ADAMTS20: variants seen among roughly 807,000 people sequenced by gnomAD.
ADAMTS20 encodes A disintegrin and metalloproteinase with thrombospondin motifs 20.
In ADAMTS20, 225 loss-of-function variants were observed where a neutral mutation model predicts 260.1. That is an observed-to-expected ratio of 0.87 (90% CI 0.78 to 0.97). ADAMTS20 has a LOEUF of 0.97. Among genes scored for constraint, ADAMTS20 ranks in the 50% least tolerant of loss-of-function variants. The pLI is 0.00. For synonymous variants in ADAMTS20, 802 were observed against 769.5 expected, an observed-to-expected ratio of 1.04 and a Z score of -0.70; for missense variants, 2,400 against 2,337.7, an observed-to-expected ratio of 1.03 and a Z score of -0.55.
intron 24 of ADAMTS20, 55 bp from the exon 25 acceptor site, chr12:43,428,854 T>C: frequency 1.4e-6 from 2 of 1,452,390 alleles, no homozygotes; most frequent in Non-Finnish European, 1.8e-6. Flanking sequence ...CTCACCCATG[T>C]CCCTTTTACA....
Position 43,480,325 on chromosome 12 carries a change from G to A in ADAMTS20, c.1117+10070C>T, listed in dbSNP as rs746463752. Among the ~76,000 whole-genome samples, 16 of 152,252 alleles carry A rather than the reference G, an allele frequency of 1.1e-4. No individual in the cohort carries two copies. The South Asian group carries it at 1.5e-3, about 14-fold the overall frequency. On this transcript the variant is annotated intron_variant, in intron 7 of 38. Transcript: ENST00000389420. The stretch of plus-strand genomic sequence containing the variant: ...AGTAGAATCTAGCAGTGTGTGGGGG[G>A]TAAAGAAGGAAGAGTCTTGTTCAAG...
At chr12:43,520,020 T>C (rs1409595690) in intron 3 of ADAMTS20, among the ~76,000 whole-genome samples, 2 of 152,170 alleles carry the variant, frequency 1.3e-5, no homozygotes, top group African/African-American at 4.8e-5. Flanking sequence ...TTTTGCACTA[T>C]TTCTAGTTCT....
chr12:43,355,323 A>G (rs560894713), intron 38 of ADAMTS20, among the ~76,000 whole-genome samples: 1 of 152,318 alleles, frequency 6.6e-6, no homozygotes, highest in South Asian at 2.1e-4. Flanking sequence ...ATATGTTTGC[A>G]TTTCTGTAAG....
chr12:43,424,352 C>T (rs1941290748), intron 28 of ADAMTS20, among the ~76,000 whole-genome samples: 1 of 152,014 alleles, frequency 6.6e-6, no homozygotes, highest in South Asian at 2.1e-4. Context: ...TGAGTTTTGT[C>T]TATGGCTCCA....
At chr12:43,365,986 A>C (rs1357333474) in intron 37 of ADAMTS20, among the ~76,000 whole-genome samples, 1 of 151,942 alleles carries the variant, frequency 6.6e-6, no homozygotes, top group Non-Finnish European at 1.5e-5. Flanking sequence ...GAACAAAGAC[A>C]ACATGAAACA....
chr12:43,501,477 G>GCACACACA (rs1299065787), intron 4 of ADAMTS20, among the ~76,000 whole-genome samples: 1,062 of 62,212 alleles, frequency 0.017, 20 homozygotes, highest in African/African-American at 0.047. Context: ...GCGCGCGCGC[G>GCACACACA]CGCGCACACA....
At chr12:43,461,824 G>A (rs1592081560) in intron 11 of ADAMTS20, among the ~76,000 whole-genome samples, 1 of 151,860 alleles carries the variant, frequency 6.6e-6, no homozygotes, top group East Asian at 1.9e-4. Context: ...CCACCAAACA[G>A]AAACATTATA....
chr12:43,457,861 A>G (rs1941993421), intron 11 of ADAMTS20, among the ~76,000 whole-genome samples: 1 of 152,232 alleles, frequency 6.6e-6, no homozygotes, highest in Non-Finnish European at 1.5e-5. Flanking sequence ...TCTCTTTTTA[A>G]ACTAAGTCAA....
At chr12:43,517,083 C>A (rs554628884) in intron 3 of ADAMTS20, among the ~76,000 whole-genome samples, 168 of 151,922 alleles carry the variant, frequency 1.1e-3, no homozygotes, top group African/African-American at 3.9e-3. Context: ...ATAAAGGGTA[C>A]CTAAGAAAAA....
intron 6 of ADAMTS20, 91 bp downstream of exon 6, chr12:43,492,414 C>CA (rs1204483236): frequency 1.8e-5 from 25 of 1,414,784 alleles, no homozygotes; most frequent in Non-Finnish European, 2.1e-5. Context: ...AAAACAAAAA[C>CA]AAAACAAAAA....
chr12:43,496,354 A>T (rs1033123351), intron 4 of ADAMTS20, among the ~76,000 whole-genome samples: 1 of 152,220 alleles, frequency 6.6e-6, no homozygotes, highest in Non-Finnish European at 1.5e-5. Context: ...TAGCAAACAG[A>T]ACCCAATTTT....
At chr12:43,409,005 C>T (rs1940972723) in intron 28 of ADAMTS20, among the ~76,000 whole-genome samples, 1 of 152,092 alleles carries the variant, frequency 6.6e-6, no homozygotes. Context: ...AACCTAAAAG[C>T]ATACTAACCT....
At chr12:43,442,841 C>A (rs1422053949) in intron 16 of ADAMTS20, among the ~76,000 whole-genome samples, 5 of 152,100 alleles carry the variant, frequency 3.3e-5, no homozygotes, top group Non-Finnish European at 2.9e-5. Context: ...CATCATTAAA[C>A]GAACAGTTCA....
In ADAMTS20 at chr12:43,462,667, T is replaced by A. The variant is rs539381769; in HGVS notation, c.1614+228A>T. On this transcript the variant is annotated intron_variant, in intron 11 of 38. Coordinates refer to ENST00000389420, the MANE Select transcript of ADAMTS20 (RefSeq NM_025003.5). ...CTATATATCCATGTAATTATTTATA[T>A]GCTAACTATACAAAACTTTAATATT... Among the ~76,000 whole-genome samples the A allele has an allele frequency of 5.1e-4, 78 of 152,370 alleles. 2 individuals are homozygous for A. Among genetic ancestry groups the A allele is most frequent in the African/African-American group, 1.7e-3 (72 of 41,592 alleles).
intron 28 of ADAMTS20, among the ~76,000 whole-genome samples, chr12:43,408,883 A>G (rs963829083): frequency 2.6e-5 from 4 of 152,206 alleles, no homozygotes; most frequent in Non-Finnish European, 5.9e-5. Context: ...GAGGCCTACA[A>G]TTGAATCTCA....
chr12:43,383,909 C>G lies in ADAMTS20; in HGVS notation c.4521G>C (p.Gln1507His), dbSNP rs758227932. ...ACTGATCACACATTTCTTCAACCAC[C>G]TGACCAACACCTTTCAGTCTGCAGT... ...DVYCRLKGVG[Q>H]VVEEMCDQST... The change falls in exon 30 of 39, where the codon CAG becomes CAC. Residue 1507 changes from glutamine (Q) to histidine (H), a missense_variant. Coordinates refer to ENST00000389420, the MANE Select transcript of ADAMTS20 (RefSeq NM_025003.5). The G allele has an allele frequency of 1.2e-6, 2 of 1,613,972 alleles. No homozygotes were observed. The highest frequency in any genetic ancestry group is 4.5e-5 in the East Asian group (2 of 44,882).
chr12:43,399,215 T>C lies in ADAMTS20; in HGVS notation c.4303A>G (p.Lys1435Glu). The stretch of plus-strand genomic sequence containing the variant: ...AACACTTCACGGTACTTTCTACCTT[T>C]ACCACAAGAAGCTGAGCACTAGAAA... ...PWTSCSASCG[K>E]GRKYREVFCI... Residue 1435 changes from lysine (K) to glutamate (E), a missense_variant, in exon 29 of 39, where the codon AAA becomes GAA. Lys to Glu is a moderately conservative substitution (Grantham distance 56). Coordinates refer to ENST00000389420, the MANE Select transcript of ADAMTS20 (RefSeq NM_025003.5). 5 of 1,544,116 alleles carry C rather than the reference T, an allele frequency of 3.2e-6. No individual in the cohort carries two copies. The highest frequency in any genetic ancestry group is 3.5e-6 in the Non-Finnish European group (4 of 1,147,088).
At chr12:43,510,030 A>G (rs1942901167) in intron 3 of ADAMTS20, among the ~76,000 whole-genome samples, 1 of 152,154 alleles carries the variant, frequency 6.6e-6, no homozygotes, top group Non-Finnish European at 1.5e-5. Context: ...ATAAGAAACC[A>G]ATTAAGACAA....
chr12:43,369,260 A>G (rs764325101), intron 37 of ADAMTS20, 30 bp downstream of exon 37: 1 of 1,361,820 alleles, frequency 7.3e-7, no homozygotes, highest in Non-Finnish European at 9.7e-7. Flanking sequence ...TTCACAAAGA[A>G]AGAAAATTAA....
Sources: allele counts gnomAD v4.1 joint callset (sites outside exome capture counted in the v4.1 genomes callset), GRCh38; gene constraint gnomAD v4.1.1; transcripts MANE v1.5; gene names NCBI Gene and HGNC (gene_info 2026-07-23, HGNC 2026-07-21).